ZNF705D: variants seen among roughly 807,000 people sequenced by gnomAD.
The protein encoded by ZNF705D is putative zinc finger protein 705C.
For missense variants in ZNF705D, 6 were observed against 129.4 expected (o/e 0.05, Z 4.63); for synonymous variants, 1 against 43.8 (o/e 0.02, Z 3.86).
At chr8:12,100,018 GTAC>G (rs1235124601), upstream of ZNF705D, among the ~76,000 whole-genome samples, 1 of 52,730 alleles carries the variant, frequency 1.9e-5, no homozygotes, top group East Asian at 7.5e-4. Context: ...TTATGTTACA[GTAC>G]TTACTGCCTT....
Sources: allele counts gnomAD v4.1 joint callset (sites outside exome capture counted in the v4.1 genomes callset), GRCh38; gene constraint gnomAD v4.1.1; transcripts MANE v1.5; gene names NCBI Gene and HGNC (gene_info 2026-07-23, HGNC 2026-07-21).